Variants in NR2C2 observed in about 807,000 individuals in gnomAD.
NR2C2 encodes Nuclear hormone receptor TR4.
NR2C2 carries 6 observed loss-of-function variants against 62.9 expected under a neutral mutation model. The ratio of observed to expected loss-of-function variants is 0.10; its 90% CI spans 0.05 to 0.19. NR2C2 has a LOEUF of 0.19. NR2C2 is among the 10% of genes least tolerant of loss of function. NR2C2 has a pLI of 1.00. For synonymous variants in NR2C2, 272 were observed against 273.8 expected (o/e 0.99, Z 0.07); for missense variants, 479 against 762.7 (o/e 0.63, Z 4.38).
rs1559524695 is a variant in NR2C2, at chr3:14,954,072, A to G, written c.-40+6166A>G. Among the ~76,000 whole-genome samples the G allele has an allele frequency of 2.0e-5, 3 of 152,270 alleles. No homozygotes were observed. In the South Asian group the frequency reaches 6.2e-4, roughly 32 times the overall value. ...CACACTCGTTCTTGTCCCCTGTCCC[A>G]CCACTATGGTGTCTGTAATGATGCA... On this transcript the variant is annotated intron_variant, in intron 1 of 13. Transcript: ENST00000425241.
Position 15,049,154 on chromosome 3 carries a change from G to A in NR2C2, c.*6146G>A, listed in dbSNP as rs1174094248. 2.0e-5 allele frequency: 3 copies of A among 152,590 alleles called. No individual in the cohort carries two copies. The highest frequency in any genetic ancestry group is 7.2e-5 in the African/African-American group (3 of 41,426). The allele number at this position is 152,590 out of a possible 1,614,324, so 9.5% of individuals were successfully genotyped here. On this transcript the variant is annotated 3_prime_UTR_variant, in exon 14 of 14. Coordinates refer to ENST00000425241, the MANE Select transcript of NR2C2 (RefSeq NM_001291694.2). ...TTGTTGTGTTTGTATATAGAGTATT[G>A]CAGTGCATGAATTAGCTTTATGCAT...
chr3:15,007,379 G>A (rs7627102), intron 2 of NR2C2, among the ~76,000 whole-genome samples: 7 of 151,950 alleles, frequency 4.6e-5, no homozygotes, highest in Non-Finnish European at 4.4e-5. Flanking sequence ...CGCCTGCCTC[G>A]GCCTCCCAAA....
intron 7 of NR2C2, among the ~76,000 whole-genome samples, chr3:15,025,038 G>T (rs139716396): frequency 6.6e-6 from 1 of 152,344 alleles, no homozygotes; most frequent in Non-Finnish European, 1.5e-5. Flanking sequence ...TGGTCCTCAG[G>T]CTGGGCCTTG....
chr3:14,950,567 G>T (rs186488688), intron 1 of NR2C2, among the ~76,000 whole-genome samples: 1 of 117,598 alleles, frequency 8.5e-6, no homozygotes, highest in African/African-American at 3.3e-5. Flanking sequence ...ATTGGCTCAA[G>T]CATCACTTCT....
intron 1 of NR2C2, among the ~76,000 whole-genome samples, chr3:14,988,332 G>A (rs920618175): frequency 1.3e-5 from 2 of 152,252 alleles, no homozygotes. Context: ...ATCTGGTATT[G>A]TCTGTTTTTA....
chr3:15,002,638 C>T (rs1159462957), intron 1 of NR2C2, among the ~76,000 whole-genome samples: 3 of 89,532 alleles, frequency 3.4e-5, no homozygotes, highest in African/African-American at 1.2e-4. Flanking sequence ...GAAGTGTTCA[C>T]AATATACTTT....
chr3:14,980,775 A>G (rs1177393432), intron 1 of NR2C2, among the ~76,000 whole-genome samples: 1 of 152,244 alleles, frequency 6.6e-6, no homozygotes, highest in Non-Finnish European at 1.5e-5. Flanking sequence ...GTAATTGCAT[A>G]AATGGATAAA....
chr3:14,967,869 G>C (rs1012382482), intron 1 of NR2C2, among the ~76,000 whole-genome samples: 17 of 152,144 alleles, frequency 1.1e-4, no homozygotes, highest in African/African-American at 3.4e-4. Context: ...ACAAACCTGA[G>C]AAAAACAAGC....
chr3:14,970,061 T>C (rs532091456), intron 1 of NR2C2, among the ~76,000 whole-genome samples: 9 of 152,274 alleles, frequency 5.9e-5, no homozygotes, highest in African/African-American at 2.2e-4. Flanking sequence ...GTAGTACATA[T>C]ACATACATTT....
intron 1 of NR2C2, among the ~76,000 whole-genome samples, chr3:14,976,606 T>G (rs77765297): frequency 1.3e-4 from 19 of 145,550 alleles, no homozygotes; most frequent in Middle Eastern, 3.5e-3. Context: ...TCCTTCCTTT[T>G]TTTTTTTTTT....
chr3:14,952,329 T>C (rs2039390705), intron 1 of NR2C2, among the ~76,000 whole-genome samples: 1 of 152,016 alleles, frequency 6.6e-6, no homozygotes, highest in Non-Finnish European at 1.5e-5. Context: ...CACTGGTCTG[T>C]GTCTAGCTGC....
In NR2C2 at chr3:15,045,984, G is replaced by T. The variant is rs893803979; in HGVS notation, c.*2976G>T. 1 of 152,194 alleles carries T rather than the reference G, an allele frequency of 6.6e-6. No homozygotes were observed. The highest frequency in any genetic ancestry group is 2.4e-5 in the African/African-American group (1 of 41,456). The allele number at this position is 152,194 out of a possible 1,614,324, so 9.4% of individuals were successfully genotyped here. ...TTAAGACAGATAGATGTTGAAAATG[G>T]TGGAGATCATTACACATTAGCATAA... On this transcript the variant is annotated 3_prime_UTR_variant, in exon 14 of 14. Coordinates refer to ENST00000425241, the MANE Select transcript of NR2C2 (RefSeq NM_001291694.2).
chr3:15,004,461 A>T, intron 2 of NR2C2: 1 of 1,250,144 alleles, frequency 8.0e-7, no homozygotes, highest in Non-Finnish European at 1.1e-6. Flanking sequence ...TACCTGGCAC[A>T]TAATAATGTT....
At chr3:14,995,691 G>GTGTGTGTGTGTGTGTGTA (rs1179128647) in intron 1 of NR2C2, among the ~76,000 whole-genome samples, 1 of 151,914 alleles carries the variant, frequency 6.6e-6, no homozygotes, top group African/African-American at 2.4e-5. Flanking sequence ...GTGTGTGTGT[G>GTGTGTGTGTGTGTGTGTA]TACACCTAAG....
chr3:14,990,741 T>A lies in NR2C2; in HGVS notation c.-39-13135T>A, dbSNP rs144785175. On this transcript the variant is annotated intron_variant, in intron 1 of 13. Coordinates refer to ENST00000425241, the MANE Select transcript of NR2C2 (RefSeq NM_001291694.2). The stretch of plus-strand genomic sequence containing the variant: ...CTGCAGTATTGAAGTCTATTCTCTT[T>A]CCCTGTGTTTCTGGGGGAGAAGCCT... Among the ~76,000 whole-genome samples, 676 of 152,338 alleles carry A rather than the reference T, an allele frequency of 4.4e-3. 1 individual carries two copies. Among genetic ancestry groups the A allele is most frequent in the African/African-American group, 0.016 (646 of 41,574 alleles).
intron 5 of NR2C2, among the ~76,000 whole-genome samples, chr3:15,022,796 C>G (rs112056131): frequency 1.1e-4 from 16 of 152,080 alleles, no homozygotes; most frequent in African/African-American, 3.9e-4. Context: ...CAGGCTGGGG[C>G]GAGTGGTTTG....
In NR2C2 at chr3:15,030,348, G is replaced by A; in HGVS notation, c.1006G>A (p.Asp336Asn). The A allele has an allele frequency of 6.2e-7, 1 of 1,613,490 alleles. No homozygotes were observed. Among genetic ancestry groups the A allele is most frequent in the Non-Finnish European group, 8.5e-7 (1 of 1,179,842 alleles). The change falls in exon 9 of 14, where the codon GAC becomes AAC. Residue 336 changes from aspartate (D) to asparagine (N), a missense_variant. By Grantham distance (23) the Asp-to-Asn change is conservative. Transcript: ENST00000425241. Reference protein sequence around the residue: ...SSSPSLADGIDTSGGGSIHVI... With the variant: ...SSSPSLADGINTSGGGSIHVI... ...TTCTCCAAGCTTGGCAGATGGGATA[G>A]ACACCAGTGGAGGAGGGAGCATCCA...
At chr3:14,973,057 A>G (rs1488163637) in intron 1 of NR2C2, among the ~76,000 whole-genome samples, 2 of 152,168 alleles carry the variant, frequency 1.3e-5, no homozygotes, top group Non-Finnish European at 1.5e-5. Context: ...TATGATTTGC[A>G]AGTACTTTGT....
chr3:14,959,800 TGGTG>T (rs2039641489), intron 1 of NR2C2, among the ~76,000 whole-genome samples: 1 of 152,114 alleles, frequency 6.6e-6, no homozygotes, highest in African/African-American at 2.4e-5. Context: ...AAAAAGATAG[TGGTG>T]GTGACCAAGA....
Sources: gnomAD v4.1 joint callset for allele counts (sites outside exome capture counted in the v4.1 genomes callset) on GRCh38, gnomAD v4.1.1 for gene constraint, MANE v1.5 for transcripts, NCBI Gene and HGNC (gene_info 2026-07-23, HGNC 2026-07-21) for gene names.